Variants in ARHGEF4 observed in about 807,000 individuals in gnomAD.
ARHGEF4 encodes APC-stimulated guanine nucleotide exchange factor 1.
A neutral mutation model predicts 162.0 loss-of-function variants in ARHGEF4; 119 were observed. That is an observed-to-expected ratio of 0.73 (90% CI 0.63 to 0.86). The LOEUF (loss-of-function observed/expected upper bound fraction) is 0.86, where lower values mean the gene tolerates loss of function less well. ARHGEF4 is among the 40% of genes least tolerant of loss of function. ARHGEF4 has a pLI of 0.00. For synonymous variants in ARHGEF4, 1,014 were observed against 979.9 expected, an observed-to-expected ratio of 1.03 and a Z score of -0.65; for missense variants, 2,488 against 2,456.0, an observed-to-expected ratio of 1.01 and a Z score of -0.28.
At chr2:130,989,531 A>G (rs1320708291) in intron 4 of ARHGEF4, among the ~76,000 whole-genome samples, 1 of 152,266 alleles carries the variant, frequency 6.6e-6, no homozygotes, top group East Asian at 1.9e-4. Context: ...GCACATGACT[A>G]TGACTTTGAA....
intron 1 of ARHGEF4, among the ~76,000 whole-genome samples, chr2:130,899,173 T>C (rs1054352010): frequency 4.6e-5 from 7 of 152,190 alleles, no homozygotes; most frequent in Non-Finnish European, 7.3e-5. Flanking sequence ...GTCAACCGAT[T>C]AGTAACCTTA....
chr2:130,954,851 A>C (rs1212730121), intron 4 of ARHGEF4, among the ~76,000 whole-genome samples: 1 of 152,096 alleles, frequency 6.6e-6, no homozygotes, highest in Non-Finnish European at 1.5e-5. Context: ...GTTTTCAGCC[A>C]TTATTTCTTT....
chr2:130,882,376 C>T (rs986690179), intron 1 of ARHGEF4, among the ~76,000 whole-genome samples: 14 of 152,154 alleles, frequency 9.2e-5, no homozygotes, highest in East Asian at 5.8e-4. Context: ...AAAGGCTGGA[C>T]GCCCGTGGTC....
intron 10 of ARHGEF4, among the ~76,000 whole-genome samples, chr2:131,042,517 A>C (rs530157318): frequency 6.7e-6 from 1 of 149,818 alleles, no homozygotes; most frequent in East Asian, 2.0e-4. Context: ...CCCTACCCAC[A>C]TGGGTGCTGC....
chr2:130,913,058 G>A (rs1237293201), intron 1 of ARHGEF4, among the ~76,000 whole-genome samples: 9 of 152,080 alleles, frequency 5.9e-5, no homozygotes, highest in Non-Finnish European at 1.2e-4. Context: ...TATAGGGTTC[G>A]GTACTGGGGG....
Position 131,046,267 on chromosome 2 carries a change from C to T in ARHGEF4, c.*78C>T. 2 of 1,431,862 alleles carry T rather than the reference C, an allele frequency of 1.4e-6. No individual in the cohort carries two copies. 88.7% of individuals were successfully genotyped at this position (1,431,862 alleles called of 1,614,324 possible). A position where few individuals can be genotyped will look rare whatever the true frequency, so the allele number is the denominator to read the frequency against. ...TTTTTCTTCCCCGAGGCCCACTCGG[C>T]CTGGCCTTCCTCTGCCTGCAAGTGA... On this transcript the variant is annotated 3_prime_UTR_variant, in exon 14 of 14. Coordinates refer to ENST00000409359, the MANE Select transcript of ARHGEF4 (RefSeq NM_001367493.1).
At chr2:131,043,775 C>A (rs986593752) in intron 11 of ARHGEF4, 192 bp downstream of exon 11, 3 of 699,958 alleles carry the variant, frequency 4.3e-6, no homozygotes, top group Non-Finnish European at 7.0e-6. Flanking sequence ...AGGCGGCTTT[C>A]ACAGTCTGAC....
At chr2:130,994,752 G>A (rs997340856) in intron 4 of ARHGEF4, among the ~76,000 whole-genome samples, 1 of 152,222 alleles carries the variant, frequency 6.6e-6, no homozygotes, top group Non-Finnish European at 1.5e-5. Context: ...TCCTTCTGGA[G>A]ATGGATTCTT....
chr2:130,962,974 T>C (rs1263567923), intron 4 of ARHGEF4, among the ~76,000 whole-genome samples: 2 of 152,150 alleles, frequency 1.3e-5, no homozygotes, highest in Non-Finnish European at 2.9e-5. Context: ...TGTGTGGAGC[T>C]TCTGGGTGGA....
intron 4 of ARHGEF4, chr2:131,011,792 G>A (rs1688466799): frequency 3.5e-6 from 3 of 855,158 alleles, no homozygotes; most frequent in East Asian, 5.3e-5. Context: ...GTGATTTATT[G>A]TAGTTTACCA....
intron 4 of ARHGEF4, among the ~76,000 whole-genome samples, chr2:130,976,723 A>G (rs1244818027): frequency 2.0e-5 from 3 of 152,230 alleles, no homozygotes; most frequent in African/African-American, 7.2e-5. Context: ...ACTGGGGGCA[A>G]GAGCTGGCAG....
At chr2:130,884,805 C>T (rs1239592960) in intron 1 of ARHGEF4, among the ~76,000 whole-genome samples, 2 of 151,916 alleles carry the variant, frequency 1.3e-5, no homozygotes, top group African/African-American at 2.4e-5. Flanking sequence ...CCCTTGAGGC[C>T]GGACCCTGCT....
chr2:130,996,017 G>A (rs957712247), intron 4 of ARHGEF4, among the ~76,000 whole-genome samples: 57 of 151,710 alleles, frequency 3.8e-4, no homozygotes, highest in Non-Finnish European at 7.5e-4. Flanking sequence ...AGCCTCCTGA[G>A]TAGCTGGGAT....
Position 131,046,039 on chromosome 2 carries a change from T to C in ARHGEF4, c.5481T>C (p.Ala1827=). 1 of 1,610,424 alleles carries C rather than the reference T, an allele frequency of 6.2e-7. No homozygotes were observed. Among genetic ancestry groups the C allele is most frequent in the Admixed American group, 1.7e-5 (1 of 59,862 alleles). Reference sequence around the variant, plus strand: ...CCTCTGCTGTCTCTCCCTGTTCAGCTGTTGGCCGGCCCTGCTACCTGACGC... The same window carrying C: ...CCTCTGCTGTCTCTCCCTGTTCAGCCGTTGGCCGGCCCTGCTACCTGACGC... ...SKQQVTGKPK[A]VGRPCYLTRQ... The change falls in exon 14 of 14, where the codon GCT becomes GCC. Residue 1827 remains alanine (A), a splice_region_variant and synonymous_variant. Coordinates refer to ENST00000409359, the MANE Select transcript of ARHGEF4 (RefSeq NM_001367493.1).
intron 5 of ARHGEF4, among the ~76,000 whole-genome samples, chr2:131,032,848 C>CT (rs111971610): frequency 0.024 from 3,092 of 128,386 alleles, 114 homozygotes; most frequent in South Asian, 0.082. Context: ...TTTCTTTTTT[C>CT]TTTTTTTTTT....
Position 130,915,192 on chromosome 2 carries a change from C to T in ARHGEF4, c.1246C>T (p.Gln416Ter). The T allele has an allele frequency of 6.4e-7, 1 of 1,550,608 alleles. No individual in the cohort carries two copies. ...PGGFRLQRAS[Q>*]DTPSAGLLGE... ...TGGGTTTCGCTTGCAAAGGGCCTCT[C>T]AGGACACTCCTTCTGCAGGTCTCCT... is the stretch of plus-strand genomic sequence containing the variant. Residue 416 changes from glutamine (Q) to a stop codon, truncating the protein, a stop_gained, in exon 2 of 14, where the codon CAG becomes TAG. Coordinates refer to ENST00000409359, the MANE Select transcript of ARHGEF4 (RefSeq NM_001367493.1). LOFTEE classifies it high-confidence loss of function.
At position 130,914,874 on chromosome 2, in the gene ARHGEF4, C is replaced by A; in HGVS notation, c.928C>A (p.His310Asn). The change falls in exon 2 of 14, where the codon CAT becomes AAT. Residue 310 changes from histidine to asparagine, a missense_variant. Transcript: ENST00000409359. The part of the protein sequence containing the change: ...TSCLLRTNRH[H>N]SAPETTGDKN... ...TTGCCTCCTACGCACCAACCGTCAC[C>A]ATAGTGCCCCAGAAACTACTGGTGA... is the stretch of plus-strand genomic sequence containing the variant. 1 of 1,490,744 alleles carries A rather than the reference C, an allele frequency of 6.7e-7. No homozygotes were observed. Among genetic ancestry groups the A allele is most frequent in the African/African-American group, 1.4e-5 (1 of 71,498 alleles). The allele number at this position is 1,490,744 out of a possible 1,614,324, so 92.3% of individuals were successfully genotyped here.
intron 4 of ARHGEF4, chr2:130,963,669 G>C (rs1325160509): frequency 6.8e-6 from 1 of 146,120 alleles, no homozygotes; most frequent in African/African-American, 2.5e-5. Flanking sequence ...GCGCGTGCGT[G>C]AGCGCGTGCC....
chr2:130,949,454 C>T lies in ARHGEF4; in HGVS notation c.3985+2819C>T, dbSNP rs955954439. On this transcript the variant is annotated intron_variant, in intron 4 of 13. Coordinates refer to ENST00000409359, the MANE Select transcript of ARHGEF4 (RefSeq NM_001367493.1). ...CTGCAAACTCCACCTCCTGGGTTCA[C>T]GCCATTCTCCTGCCTCAGCCTCCCA... 4.6e-5 allele frequency among the ~76,000 whole-genome samples: 7 copies of T among 151,456 alleles called. No homozygotes were observed. In the South Asian group the frequency reaches 6.3e-4, roughly 14 times the overall value.
Sources: gnomAD v4.1 joint callset for allele counts (sites outside exome capture counted in the v4.1 genomes callset) on GRCh38, gnomAD v4.1.1 for gene constraint, MANE v1.5 for transcripts, NCBI Gene and HGNC (gene_info 2026-07-23, HGNC 2026-07-21) for gene names.